Variants in DTNB observed in about 807,000 individuals in gnomAD.
The protein encoded by DTNB is dystrobrevin beta, also known as DTN-B.
A neutral mutation model predicts 90.7 loss-of-function variants in DTNB; 63 were observed. That is an observed-to-expected ratio of 0.69 (90% CI 0.57 to 0.86). The LOEUF (loss-of-function observed/expected upper bound fraction) is 0.86. DTNB is among the 40% of genes least tolerant of loss of function. The probability of loss-of-function intolerance (pLI) is 0.00; values close to 1 mark genes in which losing one functional copy is unlikely to be tolerated. For missense variants in DTNB, 744 were observed against 807.1 expected, an observed-to-expected ratio of 0.92 and a Z score of 0.95; for synonymous variants, 277 against 286.7, an observed-to-expected ratio of 0.97 and a Z score of 0.34.
rs900509508 is a variant in DTNB, at chr2:25,434,883, C to T, written c.1258-888G>A. Among the ~76,000 whole-genome samples, 21 of 152,060 alleles carry T rather than the reference C, an allele frequency of 1.4e-4. 1 individual carries two copies. Among genetic ancestry groups the T allele is most frequent in the Admixed American group, 5.9e-4 (9 of 15,264 alleles). On this transcript the variant is annotated intron_variant, in intron 12 of 20. Transcript: ENST00000406818. Reference sequence around the variant, plus strand: ...TCACCAACACCTGTTGTTTTATTTACTTTTTATTTTTTATTTACTTACTAC... The same window carrying T: ...TCACCAACACCTGTTGTTTTATTTATTTTTTATTTTTTATTTACTTACTAC...
intron 1 of DTNB, among the ~76,000 whole-genome samples, chr2:25,666,657 T>A (rs973456403): frequency 1.3e-5 from 2 of 152,000 alleles, no homozygotes; most frequent in Non-Finnish European, 2.9e-5. Context: ...TTTTTAACAA[T>A]TTTTTTTAAT....
In DTNB at chr2:25,379,518, C is replaced by T. The variant is rs1053553767; in HGVS notation, c.1880-195G>A. 18 of 535,980 alleles carry T rather than the reference C, an allele frequency of 3.4e-5. No homozygotes were observed. Among genetic ancestry groups the T allele is most frequent in the Admixed American group, 4.4e-5 (1 of 22,828 alleles). The allele number at this position is 535,980 out of a possible 1,614,324, so 33.2% of individuals were successfully genotyped here. A position where few individuals can be genotyped will look rare whatever the true frequency, so the allele number is the denominator to read the frequency against. ...ATACTTTCTACTACTGTAGCCAACC[C>T]GAGGCAGCCATGGAGACAGATGCTT... On this transcript the variant is annotated intron_variant, in intron 19 of 20. Transcript: ENST00000406818.
At chr2:25,627,328 C>T (rs1195277641) in intron 4 of DTNB, among the ~76,000 whole-genome samples, 2 of 152,042 alleles carry the variant, frequency 1.3e-5, no homozygotes, top group African/African-American at 4.8e-5. Context: ...AGGAGAATCG[C>T]TTGAACCCGG....
At chr2:25,643,259 C>T (rs2078735288) in intron 2 of DTNB, among the ~76,000 whole-genome samples, 1 of 152,176 alleles carries the variant, frequency 6.6e-6, no homozygotes, top group Non-Finnish European at 1.5e-5. Context: ...CCTTCCTTCA[C>T]CTCCTCAGAC....
At chr2:25,431,267 T>C (rs1340498120) in intron 14 of DTNB, among the ~76,000 whole-genome samples, 12 of 151,984 alleles carry the variant, frequency 7.9e-5, no homozygotes, top group African/African-American at 2.4e-4. Flanking sequence ...AATGGCATGA[T>C]CTTGGCTCAC....
At chr2:25,671,490 A>G (rs1264793980) in intron 1 of DTNB, among the ~76,000 whole-genome samples, 5 of 152,244 alleles carry the variant, frequency 3.3e-5, no homozygotes, top group Non-Finnish European at 5.9e-5. Context: ...AACAGGAGAA[A>G]TAAATTTACT....
rs772007987 is a variant in DTNB, at chr2:25,408,719, T to C, written c.1575+10796A>G. Among the ~76,000 whole-genome samples, 292 of 152,234 alleles carry C rather than the reference T, an allele frequency of 1.9e-3. 4 individuals are homozygous for C. The highest frequency in any genetic ancestry group is 2.0e-3 in the Non-Finnish European group (135 of 68,016). On this transcript the variant is annotated intron_variant, in intron 16 of 20. Coordinates refer to ENST00000406818, the MANE Select transcript of DTNB (RefSeq NM_021907.5). Reference sequence around the variant, plus strand: ...AAATGGAGAAGAGTGTAAGAGTCTATGGAACTTGTTATAACATGCATCTTT... The same window carrying C: ...AAATGGAGAAGAGTGTAAGAGTCTACGGAACTTGTTATAACATGCATCTTT...
intron 9 of DTNB, among the ~76,000 whole-genome samples, chr2:25,484,783 C>A (rs911743588): frequency 1.3e-5 from 2 of 152,180 alleles, no homozygotes; most frequent in Non-Finnish European, 2.9e-5. Context: ...GAAGTCAATT[C>A]CAAGTTATTT....
intron 4 of DTNB, among the ~76,000 whole-genome samples, chr2:25,625,316 C>A (rs2073869623): frequency 6.6e-6 from 1 of 152,162 alleles, no homozygotes; most frequent in Admixed American, 6.5e-5. Context: ...CGACAAAATG[C>A]CCTGGTTTTC....
Position 25,387,461 on chromosome 2 carries a change from A to G in DTNB, c.1736-83T>C. The G allele has an allele frequency of 7.5e-7, 1 of 1,332,804 alleles. No individual in the cohort carries two copies. Among genetic ancestry groups the G allele is most frequent in the Non-Finnish European group, 1.1e-6 (1 of 948,018 alleles). The allele number at this position is 1,332,804 out of a possible 1,614,324, so 82.6% of individuals were successfully genotyped here. A position where few individuals can be genotyped will look rare whatever the true frequency, so the allele number is the denominator to read the frequency against. On this transcript the variant is annotated intron_variant, in intron 17 of 20. Coordinates refer to ENST00000406818, the MANE Select transcript of DTNB (RefSeq NM_021907.5). The surrounding 1 kb of genome is among the most constrained non-coding windows in gnomAD (Gnocchi z 4.5). ...GCTGAGCAAATGCCTCAGTTCTGCC[A>G]GGCCCGAGAACACAGGTGTGGAACA...
chr2:25,534,540 C>G (rs1378445775), intron 8 of DTNB, among the ~76,000 whole-genome samples: 2 of 152,150 alleles, frequency 1.3e-5, no homozygotes, highest in Non-Finnish European at 2.9e-5. Flanking sequence ...GGGTACACTT[C>G]CCAGATGGGG....
chr2:25,506,481 G>A (rs1280601311), intron 9 of DTNB, among the ~76,000 whole-genome samples: 1 of 151,860 alleles, frequency 6.6e-6, no homozygotes, highest in Non-Finnish European at 1.5e-5. Flanking sequence ...ATTAAGCTTG[G>A]TATCCATTAG....
intron 4 of DTNB, among the ~76,000 whole-genome samples, chr2:25,612,054 G>A (rs2068779178): frequency 6.6e-6 from 1 of 152,164 alleles, no homozygotes; most frequent in South Asian, 2.1e-4. Flanking sequence ...TTTTCACATG[G>A]AATTTACACA....
At chr2:25,509,577 C>T (rs1007663148) in intron 9 of DTNB, among the ~76,000 whole-genome samples, 3 of 151,992 alleles carry the variant, frequency 2.0e-5, no homozygotes, top group Admixed American at 6.6e-5. Flanking sequence ...CTTGGAAGAT[C>T]GTATTCCACT....
intron 8 of DTNB, among the ~76,000 whole-genome samples, chr2:25,553,871 A>T (rs568168119): frequency 4.6e-5 from 7 of 152,288 alleles, no homozygotes; most frequent in Admixed American, 1.3e-4. Flanking sequence ...AACTGGTTCA[A>T]CAACAGCCAA....
intron 15 of DTNB, among the ~76,000 whole-genome samples, chr2:25,427,071 G>T (rs1033242086): frequency 1.3e-5 from 2 of 151,848 alleles, no homozygotes; most frequent in Non-Finnish European, 2.9e-5. Context: ...CCAGCTACTC[G>T]GGAGGCTGAG....
chr2:25,658,561 C>A lies in DTNB; in HGVS notation c.-1-5900G>T, dbSNP rs536864793. On this transcript the variant is annotated intron_variant, in intron 1 of 20. Transcript: ENST00000406818. ...AATGCATAAATAAACTGCAATACTT[C>A]ATAAATGGAATATTGTTCAGCAATA... Among the ~76,000 whole-genome samples the A allele has an allele frequency of 1.6e-4, 24 of 152,264 alleles. 1 individual carries two copies. The highest frequency in any genetic ancestry group is 5.8e-4 in the African/African-American group (24 of 41,548).
At chr2:25,386,827 T>C (rs1352876051) in intron 18 of DTNB, among the ~76,000 whole-genome samples, 1 of 152,070 alleles carries the variant, frequency 6.6e-6, no homozygotes, top group Non-Finnish European at 1.5e-5. Context: ...AAGGAGGGAA[T>C]AGGTTTCAAA....
chr2:25,648,401 A>C (rs1248383190), intron 2 of DTNB, among the ~76,000 whole-genome samples: 1 of 151,742 alleles, frequency 6.6e-6, no homozygotes, highest in Non-Finnish European at 1.5e-5. Context: ...AAAATGTAAA[A>C]ACTACTGTCT....
Sources: allele counts gnomAD v4.1 joint callset (sites outside exome capture counted in the v4.1 genomes callset), GRCh38; gene constraint gnomAD v4.1.1; non-coding constraint Gnocchi (gnomAD v3.1); transcripts MANE v1.5; gene names NCBI Gene and HGNC (gene_info 2026-07-23, HGNC 2026-07-21).